TIAM1: variants seen among roughly 807,000 people sequenced by gnomAD.
The protein encoded by TIAM1 is TIAM Rac1 associated GEF 1, also known as rho guanine nucleotide exchange factor TIAM1.
TIAM1 carries 65 observed loss-of-function variants against 163.5 expected under a neutral mutation model. That is an observed-to-expected ratio of 0.40 (90% CI 0.33 to 0.49). The LOEUF (loss-of-function observed/expected upper bound fraction) is 0.49, where lower values mean the gene tolerates loss of function less well. Among genes scored for constraint, TIAM1 ranks in the 20% least tolerant of loss-of-function variants. The pLI is 0.77. For synonymous variants in TIAM1, 833 were observed against 810.1 expected (o/e 1.03, Z -0.48); for missense variants, 1,789 against 2,044.7 (o/e 0.87, Z 2.41).
At chr21:31,240,589 C>T (rs117148533) in intron 6 of TIAM1, among the ~76,000 whole-genome samples, 2,223 of 152,260 alleles carry the variant, frequency 0.015, 38 homozygotes, top group Non-Finnish European at 0.024. Flanking sequence ...CATCACTAAG[C>T]GACCTGTCTA....
intron 2 of TIAM1, among the ~76,000 whole-genome samples, chr21:31,369,534 C>T (rs2076559759): frequency 6.6e-6 from 1 of 152,102 alleles, no homozygotes; most frequent in East Asian, 1.9e-4. Context: ...ATTTATTGTA[C>T]ATTTTCAAAA....
intron 1 of TIAM1, among the ~76,000 whole-genome samples, chr21:31,472,737 C>A (rs888226549): frequency 1.3e-5 from 2 of 152,184 alleles, no homozygotes; most frequent in African/African-American, 4.8e-5. Context: ...CCTAAACTTA[C>A]AATAGACATG....
chr21:31,148,004 C>CCA (rs71318256), intron 19 of TIAM1, among the ~76,000 whole-genome samples: 1 of 63,792 alleles, frequency 1.6e-5, no homozygotes, highest in African/African-American at 5.9e-5. Context: ...TGTCCATGAC[C>CCA]AAAAAAAAAA....
At chr21:31,231,711 T>C (rs1364808038) in intron 6 of TIAM1, among the ~76,000 whole-genome samples, 1 of 151,994 alleles carries the variant, frequency 6.6e-6, no homozygotes, top group African/African-American at 2.4e-5. Context: ...CATTTAAGCT[T>C]TGCATGATGA....
chr21:31,381,391 G>A (rs557089880), intron 2 of TIAM1, among the ~76,000 whole-genome samples: 1 of 152,208 alleles, frequency 6.6e-6, no homozygotes, highest in South Asian at 2.1e-4. Context: ...CAGGCAGCCG[G>A]GCACAGTGGC....
chr21:31,494,821 G>A (rs143093697), intron 1 of TIAM1, among the ~76,000 whole-genome samples: 2,419 of 150,626 alleles, frequency 0.016, 64 homozygotes, highest in African/African-American at 0.055. Context: ...CCAGCCTGGC[G>A]ACAGAGTGAG....
At chr21:31,371,357 C>T (rs1163288626) in intron 2 of TIAM1, among the ~76,000 whole-genome samples, 1 of 152,150 alleles carries the variant, frequency 6.6e-6, no homozygotes, top group African/African-American at 2.4e-5. Context: ...CATTTAGTAC[C>T]TTCCTCCTCA....
chr21:31,305,633 G>A (rs973226771), intron 2 of TIAM1, among the ~76,000 whole-genome samples: 9 of 152,208 alleles, frequency 5.9e-5, no homozygotes, highest in Non-Finnish European at 7.4e-5. Flanking sequence ...AAGTGATTAC[G>A]ACATTTTCAA....
intron 1 of TIAM1, among the ~76,000 whole-genome samples, chr21:31,531,557 A>G (rs1238656659): frequency 6.6e-6 from 1 of 152,224 alleles, no homozygotes; most frequent in Non-Finnish European, 1.5e-5. Context: ...AGAAAAAAGA[A>G]GAGGAAGAAA....
chr21:31,479,398 TGGAC>T (rs2046036291), intron 1 of TIAM1, among the ~76,000 whole-genome samples: 2 of 140,012 alleles, frequency 1.4e-5, no homozygotes, highest in African/African-American at 2.7e-5. Context: ...GATGGATGGA[TGGAC>T]GGAGGGGCGG....
intron 10 of TIAM1, among the ~76,000 whole-genome samples, chr21:31,212,438 C>A (rs2086930417): frequency 6.6e-6 from 1 of 152,010 alleles, no homozygotes. Context: ...CACAAACAGG[C>A]TCCCAGTATC....
At chr21:31,440,649 G>A (rs999114239) in intron 2 of TIAM1, among the ~76,000 whole-genome samples, 3 of 152,134 alleles carry the variant, frequency 2.0e-5, no homozygotes, top group South Asian at 4.1e-4. Context: ...TTGGGAGGCC[G>A]AGGCAGGCGG....
At chr21:31,150,990 C>T (rs1172414362) in intron 19 of TIAM1, among the ~76,000 whole-genome samples, 1 of 152,186 alleles carries the variant, frequency 6.6e-6, no homozygotes, top group Non-Finnish European at 1.5e-5. Context: ...ACAGAAGACG[C>T]TCATCATCGT....
In TIAM1 at chr21:31,395,489, C is replaced by G. The variant is rs1393692743; in HGVS notation, c.-368-56067G>C. 6.6e-6 allele frequency among the ~76,000 whole-genome samples: 1 copy of G among 152,160 alleles called. No individual in the cohort carries two copies. The highest frequency in any genetic ancestry group is 1.5e-5 in the Non-Finnish European group (1 of 68,040). ...AGGGGCCCTCGGAGACCGAGGTCAT[C>G]TAAACACAGCCAATCACCAGATACG... On this transcript the variant is annotated intron_variant, in intron 2 of 28. Coordinates refer to the TIAM1 transcript ENST00000286827. This position sits in a 1 kb window ranked among gnomAD's most constrained non-coding sequence, Gnocchi z 7.5.
upstream of TIAM1, among the ~76,000 whole-genome samples, chr21:31,344,553 C>T (rs8129511): frequency 7.9e-3 from 1,206 of 152,254 alleles, 14 homozygotes; most frequent in African/African-American, 0.027. Flanking sequence ...AAAAAAGCAG[C>T]GCCTCTTAAA....
intron 2 of TIAM1, among the ~76,000 whole-genome samples, chr21:31,434,827 G>A (rs78316777): frequency 0.017 from 2,534 of 152,290 alleles, 37 homozygotes; most frequent in Middle Eastern, 0.041. Flanking sequence ...CAGCTTGGCC[G>A]TCCCAGTTCT....
intron 2 of TIAM1, among the ~76,000 whole-genome samples, chr21:31,399,806 T>C (rs930819632): frequency 6.6e-6 from 1 of 152,224 alleles, no homozygotes; most frequent in Non-Finnish European, 1.5e-5. Context: ...CCCTGGATCA[T>C]CAAAGCCAAT....
At chr21:31,441,549 G>A (rs73902346) in intron 2 of TIAM1, among the ~76,000 whole-genome samples, 6,650 of 152,218 alleles carry the variant, frequency 0.044, 488 homozygotes, top group African/African-American at 0.15. Context: ...AGGAGCCTGG[G>A]TCCTGGAATC....
At chr21:31,476,795 T>C (rs2045947805) in intron 1 of TIAM1, among the ~76,000 whole-genome samples, 1 of 152,218 alleles carries the variant, frequency 6.6e-6, no homozygotes, top group Admixed American at 6.5e-5. Flanking sequence ...AGTAGAATGC[T>C]GATGCTTCCT....
Sources: gnomAD v4.1 joint callset for allele counts (sites outside exome capture counted in the v4.1 genomes callset) on GRCh38, gnomAD v4.1.1 for gene constraint, Gnocchi (gnomAD v3.1) non-coding constraint, MANE v1.5 for transcripts, NCBI Gene and HGNC (gene_info 2026-07-23, HGNC 2026-07-21) for gene names.